CNTNAP2: variants seen among roughly 807,000 people sequenced by gnomAD.
CNTNAP2 encodes contactin-associated protein-like 2.
Under a neutral mutation model 155.2 loss-of-function variants are expected in CNTNAP2, and 98 were observed. The ratio of observed to expected loss-of-function variants is 0.63; its 90% CI spans 0.54 to 0.75. The LOEUF is 0.75. Ranked by LOEUF, CNTNAP2 falls within the 30% of genes least tolerant of loss-of-function variation. The pLI is 0.00. For synonymous variants in CNTNAP2, 651 were observed against 631.2 expected (o/e 1.03, Z -0.47); for missense variants, 1,727 against 1,688.1 (o/e 1.02, Z -0.40).
intron 1 of CNTNAP2, among the ~76,000 whole-genome samples, chr7:146,197,058 A>G (rs769722663): frequency 1.3e-5 from 2 of 152,134 alleles, no homozygotes; most frequent in Non-Finnish European, 2.9e-5. Context: ...AGTGTAGGAA[A>G]ATTTCTCTAC....
At chr7:148,163,267 T>C (rs1454289295) in intron 17 of CNTNAP2, among the ~76,000 whole-genome samples, 1 of 152,218 alleles carries the variant, frequency 6.6e-6, no homozygotes, top group Non-Finnish European at 1.5e-5. Context: ...TTAACTCTCT[T>C]ATTCTCAGTT....
intron 8 of CNTNAP2, among the ~76,000 whole-genome samples, chr7:147,194,834 G>C (rs989136083): frequency 1.3e-5 from 2 of 152,038 alleles, no homozygotes. Flanking sequence ...TTTGTCAGAT[G>C]GGTAGATTGC....
chr7:148,256,309 G>T (rs1796452623), intron 20 of CNTNAP2, among the ~76,000 whole-genome samples: 1 of 152,006 alleles, frequency 6.6e-6, no homozygotes, highest in Non-Finnish European at 1.5e-5. Flanking sequence ...CAGAGACATG[G>T]GAAAATACTA....
chr7:148,293,787 C>A (rs898948215), intron 21 of CNTNAP2, among the ~76,000 whole-genome samples: 1 of 152,106 alleles, frequency 6.6e-6, no homozygotes, highest in Non-Finnish European at 1.5e-5. Context: ...GTAATCCCAG[C>A]ACTTTGGGAG....
chr7:146,853,363 CTGAT>C (rs1794917254), intron 3 of CNTNAP2, among the ~76,000 whole-genome samples: 2 of 152,202 alleles, frequency 1.3e-5, no homozygotes, highest in South Asian at 4.2e-4. Flanking sequence ...TTTGGGATAA[CTGAT>C]TGTGAAATAA....
chr7:146,975,660 G>A (rs953335784), intron 3 of CNTNAP2, among the ~76,000 whole-genome samples: 4 of 152,080 alleles, frequency 2.6e-5, no homozygotes, highest in African/African-American at 9.7e-5. Flanking sequence ...GACAATAACA[G>A]CGGTGATAAA....
At chr7:148,081,371 C>T (rs761513200) in intron 15 of CNTNAP2, among the ~76,000 whole-genome samples, 13 of 151,964 alleles carry the variant, frequency 8.6e-5, no homozygotes, top group Admixed American at 3.3e-4. Context: ...CATTTGAGTC[C>T]GTGGGCTGCA....
rs1799941364 is a variant in CNTNAP2 at position 148,414,894 on chromosome 7, A to G, written c.3797-523A>G. ...TGGCCTGTGGACTTTTATTCTGTAC[A>G]TGCACATGTTAGTATTATTCGGCCA... On this transcript the variant is annotated intron_variant, in intron 23 of 23. Transcript: ENST00000361727. 6 of 196,036 alleles carry G rather than the reference A, an allele frequency of 3.1e-5. No homozygotes were observed. The South Asian group carries it at 5.3e-4, about 17-fold the overall frequency. The allele number at this position is 196,036 out of a possible 1,614,324, so 12.1% of individuals were successfully genotyped here. A position where few individuals can be genotyped will look rare whatever the true frequency, so the allele number is the denominator to read the frequency against.
intron 1 of CNTNAP2, among the ~76,000 whole-genome samples, chr7:146,665,800 A>AAAAAAAAAAACAAAAAAAC (rs1563179456): frequency 6.9e-6 from 1 of 144,708 alleles, no homozygotes; most frequent in African/African-American, 2.7e-5. Flanking sequence ...AAAAAAAAAT[A>AAAAAAAAAAACAAAAAAAC]CATTTTGTAA....
chr7:147,277,454 A>G (rs1345956493), intron 8 of CNTNAP2, among the ~76,000 whole-genome samples: 1 of 151,968 alleles, frequency 6.6e-6, no homozygotes, highest in Non-Finnish European at 1.5e-5. Context: ...TCAGAAGCAA[A>G]TCACATAATG....
chr7:147,975,341 GC>G (rs1801411453), intron 14 of CNTNAP2, among the ~76,000 whole-genome samples: 1 of 151,988 alleles, frequency 6.6e-6, no homozygotes, highest in Non-Finnish European at 1.5e-5. Flanking sequence ...CTTCTAGGGT[GC>G]TGGAGCTGTT....
intron 8 of CNTNAP2, among the ~76,000 whole-genome samples, chr7:147,220,550 A>T (rs1563121514): frequency 6.6e-6 from 1 of 152,200 alleles, no homozygotes; most frequent in Non-Finnish European, 1.5e-5. Flanking sequence ...TGAAGAATTA[A>T]TAGTGATATA....
intron 1 of CNTNAP2, among the ~76,000 whole-genome samples, chr7:146,501,189 A>T (rs907431142): frequency 1.3e-5 from 2 of 152,104 alleles, no homozygotes; most frequent in South Asian, 4.1e-4. Context: ...TTTTTCTGTG[A>T]TGCCTTCACA....
chr7:147,710,325 T>C (rs186711947), intron 13 of CNTNAP2, among the ~76,000 whole-genome samples: 2 of 152,178 alleles, frequency 1.3e-5, no homozygotes, highest in African/African-American at 4.8e-5. Context: ...ATAAATCCCA[T>C]CATAATTTAT....
intron 15 of CNTNAP2, among the ~76,000 whole-genome samples, chr7:148,081,250 A>C (rs185531512): frequency 4.2e-3 from 647 of 152,274 alleles, no homozygotes; most frequent in Middle Eastern, 6.8e-3. Flanking sequence ...GGACCTGAGA[A>C]AGCTTCATGG....
At chr7:147,903,483 C>G (rs1799908738) in intron 13 of CNTNAP2, 82 bp from the exon 14 acceptor site, 1 of 1,436,156 alleles carries the variant, frequency 7.0e-7, no homozygotes. Flanking sequence ...TCAGAGTATT[C>G]CTGGGGAAGT....
At chr7:147,191,073 C>T (rs1802671366) in intron 8 of CNTNAP2, among the ~76,000 whole-genome samples, 1 of 151,968 alleles carries the variant, frequency 6.6e-6, no homozygotes, top group Admixed American at 6.6e-5. Context: ...GAAAAGGGGG[C>T]TGTAAAATGA....
chr7:147,345,410 T>G (rs961714780), intron 9 of CNTNAP2, among the ~76,000 whole-genome samples: 3 of 152,226 alleles, frequency 2.0e-5, no homozygotes, highest in Non-Finnish European at 4.4e-5. Flanking sequence ...ACATAGGTAA[T>G]TATAAAATGA....
At chr7:147,249,457 G>A (rs1293262885) in intron 8 of CNTNAP2, among the ~76,000 whole-genome samples, 1 of 151,940 alleles carries the variant, frequency 6.6e-6, no homozygotes, top group Non-Finnish European at 1.5e-5. Context: ...ATTTTGTAAA[G>A]TAACCATTGT....
Sources: gnomAD v4.1 joint callset for allele counts (sites outside exome capture counted in the v4.1 genomes callset) on GRCh38, gnomAD v4.1.1 for gene constraint, MANE v1.5 for transcripts, NCBI Gene and HGNC (gene_info 2026-07-23, HGNC 2026-07-21) for gene names.